Variants in SLC26A3 observed in about 807,000 individuals in gnomAD.
SLC26A3 encodes solute carrier family 26 member 3.
SLC26A3 carries 64 observed loss-of-function variants against 85.6 expected under a neutral mutation model. The ratio of observed to expected loss-of-function variants is 0.75; its 90% CI spans 0.61 to 0.92. SLC26A3 has a LOEUF of 0.92. SLC26A3 is among the 40% of genes least tolerant of loss of function. The probability of loss-of-function intolerance (pLI) is 0.00; values close to 1 mark genes in which losing one functional copy is unlikely to be tolerated. For synonymous variants in SLC26A3, 349 were observed against 336.0 expected (o/e 1.04, Z -0.42); for missense variants, 922 against 927.3 (o/e 0.99, Z 0.07).
At chr7:107,778,998 A>G (rs1211481022) in intron 12 of SLC26A3, among the ~76,000 whole-genome samples, 1 of 152,164 alleles carries the variant, frequency 6.6e-6, no homozygotes, top group Non-Finnish European at 1.5e-5. Context: ...CTCTTAAAAA[A>G]AAATCAGCAA....
chr7:107,765,771 T>C lies in SLC26A3; in HGVS notation c.*84A>G. On this transcript the variant is annotated 3_prime_UTR_variant, in exon 21 of 21. Transcript: ENST00000340010. Reference sequence around the variant, plus strand: ...TCTGTCAAAAATACTCTTCGTACAATGTATGAACTTATCAATAACTTTCTG... The same window carrying C: ...TCTGTCAAAAATACTCTTCGTACAACGTATGAACTTATCAATAACTTTCTG... 1 of 998,880 alleles carries C rather than the reference T, an allele frequency of 1.0e-6. No homozygotes were observed. Among genetic ancestry groups the C allele is most frequent in the Non-Finnish European group, 1.6e-6 (1 of 621,812 alleles). The allele number at this position is 998,880 out of a possible 1,614,324, so 61.9% of individuals were successfully genotyped here.
intron 1 of SLC26A3, among the ~76,000 whole-genome samples, chr7:107,802,894 C>T (rs1314059534): frequency 6.6e-6 from 1 of 152,142 alleles, no homozygotes; most frequent in Admixed American, 6.5e-5. Flanking sequence ...ATGCCTACAA[C>T]CATTTACTTG....
rs1028628028 is a variant in SLC26A3 at position 107,777,578 on chromosome 7, G to A, written c.1514+597C>T. On this transcript the variant is annotated intron_variant, in intron 13 of 20. Transcript: ENST00000340010. ...GCACTCCGGCCTGGGCGACAAGAGCGAAACTCTGTCTCAAAAGACAATAAA... is the reference window on the plus strand; with the variant it reads ...GCACTCCGGCCTGGGCGACAAGAGCAAAACTCTGTCTCAAAAGACAATAAA... 3.9e-5 allele frequency among the ~76,000 whole-genome samples: 6 copies of A among 152,168 alleles called. No homozygotes were observed. The South Asian group carries it at 6.2e-4, about 16-fold the overall frequency.
At chr7:107,778,954 G>A (rs1794174296) in intron 12 of SLC26A3, among the ~76,000 whole-genome samples, 1 of 152,088 alleles carries the variant, frequency 6.6e-6, no homozygotes, top group Non-Finnish European at 1.5e-5. Context: ...TGGCACCATT[G>A]CACTCCAGCC....
chr7:107,783,273 A>G lies in SLC26A3; in HGVS notation c.1051T>C (p.Phe351Leu). The change falls in exon 9 of 21, where the codon TTT (phenylalanine) becomes CTT (leucine). Residue 351 changes from phenylalanine (F) to leucine (L), a missense_variant. Phe to Leu is a conservative substitution (Grantham distance 22, BLOSUM62 0). Coordinates refer to ENST00000340010, the MANE Select transcript of SLC26A3 (RefSeq NM_000111.3). The stretch of plus-strand genomic sequence containing the variant: ...CTGGCAACTGAAAAGGCCACTGCAA[A>G]TGCAACCATTGCGATGCCGAAGCAA... ...GDCFGIAMVA[F>L]AVAFSVASVY... 8.1e-6 allele frequency: 13 copies of G among 1,614,246 alleles called. No homozygotes were observed. The highest frequency in any genetic ancestry group is 1.1e-5 in the Non-Finnish European group (13 of 1,180,036).
At chr7:107,774,178 A>C in intron 16 of SLC26A3, 25 bp from the exon 17 acceptor site, 1 of 1,556,426 alleles carries the variant, frequency 6.4e-7, no homozygotes, top group Non-Finnish European at 8.9e-7. Flanking sequence ...AACAAGTATG[A>C]AAACTGTGAC....
At chr7:107,766,858 T>C (rs1199601670) in intron 20 of SLC26A3, among the ~76,000 whole-genome samples, 1 of 151,838 alleles carries the variant, frequency 6.6e-6, no homozygotes, top group Non-Finnish European at 1.5e-5. Context: ...GCAGATTAGT[T>C]AAGCTCTCTG....
chr7:107,798,028 A>G (rs1240413150), intron 1 of SLC26A3, among the ~76,000 whole-genome samples: 6 of 152,098 alleles, frequency 3.9e-5, no homozygotes, highest in African/African-American at 1.2e-4. Flanking sequence ...ATTGAAATTC[A>G]TTCACAGAGT....
chr7:107,775,017 A>T, intron 15 of SLC26A3, 145 bp from the exon 16 acceptor site: 1 of 723,866 alleles, frequency 1.4e-6, no homozygotes, highest in South Asian at 1.5e-5. Context: ...TGGTTTAAAC[A>T]ATATCAGCCA....
At chr7:107,801,575 T>C (rs1414063807) in intron 1 of SLC26A3, among the ~76,000 whole-genome samples, 1 of 152,238 alleles carries the variant, frequency 6.6e-6, no homozygotes, top group East Asian at 1.9e-4. Context: ...ATTACATATT[T>C]ATTCTTGTAA....
At chr7:107,778,360 CTTTT>C (rs10681903) in intron 12 of SLC26A3, 79 bp from the exon 13 acceptor site, 79 of 464,556 alleles carry the variant, frequency 1.7e-4, no homozygotes, top group Non-Finnish European at 1.9e-4. Context: ...TTTAAAAAGA[CTTTT>C]TTTTTTTTTT....
At chr7:107,787,325 AG>A (rs770985149) in intron 7 of SLC26A3, 31 bp downstream of exon 7, 1 of 1,610,496 alleles carries the variant, frequency 6.2e-7, no homozygotes, top group Non-Finnish European at 8.5e-7. Flanking sequence ...ACAGTAGAGT[AG>A]CTATGACAGA....
At chr7:107,779,376 A>G (rs1018048093) in intron 12 of SLC26A3, among the ~76,000 whole-genome samples, 6 of 152,208 alleles carry the variant, frequency 3.9e-5, no homozygotes, top group African/African-American at 1.2e-4. Flanking sequence ...TTTCTGTGGT[A>G]CTTGGGATTA....
intron 20 of SLC26A3, among the ~76,000 whole-genome samples, 189 bp from the exon 21 acceptor site, chr7:107,766,067 CTAACT>C (rs536574610): frequency 1.5e-3 from 235 of 152,178 alleles, no homozygotes; most frequent in Non-Finnish European, 2.2e-3. Flanking sequence ...ATTCAAAGGC[CTAACT>C]TAACTTAAAG....
rs747881187 is a variant in SLC26A3 at position 107,779,691 on chromosome 7, A to G, written c.1384T>C (p.Trp462Arg). The G allele has an allele frequency of 1.9e-6, 3 of 1,613,934 alleles. No homozygotes were observed. The highest frequency in any genetic ancestry group is 1.7e-6 in the Non-Finnish European group (2 of 1,179,846). The part of the protein sequence containing the change: ...LMQFAEIGRL[W>R]RKDKYDCLIW... ...ACACAATCATATTTGTCCTTTCGCCACAATCTGCCTATTTCAGCAAACTGC... is the reference window on the plus strand; with the variant it reads ...ACACAATCATATTTGTCCTTTCGCCGCAATCTGCCTATTTCAGCAAACTGC... Residue 462 changes from tryptophan to arginine, a missense_variant, in exon 12 of 21, where the codon TGG (tryptophan) becomes CGG (arginine). Coordinates refer to ENST00000340010, the MANE Select transcript of SLC26A3 (RefSeq NM_000111.3).
At chr7:107,793,703 A>T in intron 3 of SLC26A3, 39 bp downstream of exon 3, 1 of 1,483,736 alleles carries the variant, frequency 6.7e-7, no homozygotes, top group Non-Finnish European at 9.2e-7. Context: ...CAGAGGAAGA[A>T]TTTTATTGTA....
intron 15 of SLC26A3, among the ~76,000 whole-genome samples, chr7:107,775,363 A>C (rs1794093449): frequency 6.6e-6 from 1 of 152,026 alleles, no homozygotes; most frequent in African/African-American, 2.4e-5. Context: ...TTTTTTCAAC[A>C]CTAATGAATT....
At chr7:107,786,984 G>T in intron 7 of SLC26A3, 75 bp from the exon 8 acceptor site, 2 of 1,270,286 alleles carry the variant, frequency 1.6e-6, no homozygotes, top group Non-Finnish European at 2.3e-6. Context: ...AAAATAAATT[G>T]CCAAAACCCA....
intron 20 of SLC26A3, among the ~76,000 whole-genome samples, chr7:107,766,873 T>C (rs6962400): frequency 0.011 from 1,680 of 151,378 alleles, 22 homozygotes; most frequent in African/African-American, 0.039. Context: ...TCTCTGAGCC[T>C]GTTTCCTTTT....
Sources: gnomAD v4.1 joint callset for allele counts (sites outside exome capture counted in the v4.1 genomes callset) on GRCh38, gnomAD v4.1.1 for gene constraint, MANE v1.5 for transcripts, NCBI Gene and HGNC (gene_info 2026-07-23, HGNC 2026-07-21) for gene names.